PDE4B: variants seen among roughly 807,000 people sequenced by gnomAD.
The protein encoded by PDE4B is phosphodiesterase 4B.
In PDE4B, 20 loss-of-function variants were observed where a neutral mutation model predicts 82.2. That is an observed-to-expected ratio of 0.24 (90% CI 0.17 to 0.35). The LOEUF (loss-of-function observed/expected upper bound fraction) is 0.35, where lower values mean the gene tolerates loss of function less well. Among genes scored for constraint, PDE4B ranks in the 10% least tolerant of loss-of-function variants. The pLI, the probability that PDE4B is intolerant of heterozygous loss-of-function variation, is 1.00. For synonymous variants in PDE4B, 320 were observed against 318.9 expected, an observed-to-expected ratio of 1.00 and a Z score of -0.04; for missense variants, 655 against 907.2, an observed-to-expected ratio of 0.72 and a Z score of 3.57.
intron 1 of PDE4B, among the ~76,000 whole-genome samples, chr1:65,802,607 G>A (rs758777012): frequency 6.6e-6 from 1 of 152,092 alleles, no homozygotes; most frequent in African/African-American, 2.4e-5. Context: ...ATGAAAAAAG[G>A]GAAAATAGAT....
At position 66,248,609 on chromosome 1, in the gene PDE4B, A is replaced by G. The variant is rs959907375; in HGVS notation, c.476+955A>G. 2.0e-5 allele frequency among the ~76,000 whole-genome samples: 3 copies of G among 152,204 alleles called. No homozygotes were observed. In the East Asian group the frequency reaches 5.8e-4, roughly 29 times the overall value. On this transcript the variant is annotated intron_variant, in intron 4 of 16. Transcript: ENST00000341517. ...TTGTGTGGGCCCAAATTCATTTTTC[A>G]GTCATTTGGCAAAATTTACTGATTC...
intron 3 of PDE4B, among the ~76,000 whole-genome samples, chr1:66,223,665 C>A (rs1651185853): frequency 6.6e-6 from 1 of 152,124 alleles, no homozygotes; most frequent in Non-Finnish European, 1.5e-5. Context: ...GCTACACTTG[C>A]AGTGTTCTTT....
chr1:66,247,779 C>A, intron 4 of PDE4B, 125 bp downstream of exon 4: 3 of 682,666 alleles, frequency 4.4e-6, no homozygotes, highest in African/African-American at 1.8e-5. Context: ...TGAATATGAG[C>A]AGGGGTGACG....
At chr1:66,020,870 A>G (rs1394610874) in intron 3 of PDE4B, among the ~76,000 whole-genome samples, 1 of 152,218 alleles carries the variant, frequency 6.6e-6, no homozygotes, top group East Asian at 1.9e-4. Context: ...TTCTAGTTCT[A>G]GATCCTTGAG....
At chr1:66,153,217 C>T (rs1437145038) in intron 3 of PDE4B, among the ~76,000 whole-genome samples, 1 of 152,154 alleles carries the variant, frequency 6.6e-6, no homozygotes, top group African/African-American at 2.4e-5. Context: ...GCTGTTTTCT[C>T]CATCCCTACT....
chr1:65,986,384 A>C (rs1650955848), intron 3 of PDE4B, among the ~76,000 whole-genome samples: 2 of 152,228 alleles, frequency 1.3e-5, no homozygotes, highest in Non-Finnish European at 2.9e-5. Flanking sequence ...GAAAAAATTT[A>C]CTGAAGAGTT....
intron 3 of PDE4B, among the ~76,000 whole-genome samples, chr1:66,023,570 A>G (rs1653264791): frequency 6.6e-6 from 1 of 152,190 alleles, no homozygotes; most frequent in South Asian, 2.1e-4. Context: ...GCCCTATAGT[A>G]ATGAAAGCAT....
At chr1:65,931,184 C>G (rs897484323) in intron 3 of PDE4B, among the ~76,000 whole-genome samples, 12 of 152,212 alleles carry the variant, frequency 7.9e-5, no homozygotes, top group African/African-American at 2.9e-4. Flanking sequence ...CTCCTCTTTT[C>G]CTTCCACCAT....
At chr1:65,927,833 G>A (rs1647593784) in intron 3 of PDE4B, among the ~76,000 whole-genome samples, 1 of 152,168 alleles carries the variant, frequency 6.6e-6, no homozygotes, top group African/African-American at 2.4e-5. Context: ...GGGAGCCAAT[G>A]TGGGGGTTCT....
At chr1:66,183,156 CT>C (rs1306979655) in intron 3 of PDE4B, among the ~76,000 whole-genome samples, 2 of 152,086 alleles carry the variant, frequency 1.3e-5, no homozygotes, top group African/African-American at 4.8e-5. Flanking sequence ...CACAGGCAGC[CT>C]TTTGTGCTGA....
intron 1 of PDE4B, among the ~76,000 whole-genome samples, chr1:65,850,461 T>C (rs1571014367): frequency 6.6e-6 from 1 of 152,090 alleles, no homozygotes; most frequent in East Asian, 1.9e-4. Context: ...ACAATGAAGT[T>C]ATTGTAGTGA....
Position 66,318,692 on chromosome 1 carries a change from C to T in PDE4B, c.635-13816C>T, listed in dbSNP as rs1458674533. 2.0e-5 allele frequency among the ~76,000 whole-genome samples: 3 copies of T among 152,186 alleles called. No individual in the cohort carries two copies. In the East Asian group the frequency reaches 5.8e-4, roughly 29 times the overall value. On this transcript the variant is annotated intron_variant, in intron 7 of 16. Coordinates refer to ENST00000341517, the MANE Select transcript of PDE4B (RefSeq NM_002600.4). ...TTTCTAGTAAACACATAAAAAGAAA[C>T]AGGTGTAATTAATTTTATTAACATA...
intron 3 of PDE4B, among the ~76,000 whole-genome samples, chr1:66,059,913 C>T (rs574982572): frequency 1.3e-5 from 2 of 152,272 alleles, no homozygotes; most frequent in Admixed American, 1.3e-4. Context: ...GAATTTAAAA[C>T]AATTTCTGGC....
chr1:65,932,383 G>T (rs113401798), intron 3 of PDE4B, among the ~76,000 whole-genome samples: 1 of 152,094 alleles, frequency 6.6e-6, no homozygotes, highest in Non-Finnish European at 1.5e-5. Context: ...ATTGTACCTA[G>T]CATACTCTAG....
At chr1:66,035,986 T>C (rs1352931048) in intron 3 of PDE4B, among the ~76,000 whole-genome samples, 2 of 152,202 alleles carry the variant, frequency 1.3e-5, no homozygotes, top group Non-Finnish European at 2.9e-5. Flanking sequence ...TCCCCTTTTT[T>C]CCACATCCTT....
intron 3 of PDE4B, among the ~76,000 whole-genome samples, chr1:66,120,978 A>G (rs1277403854): frequency 6.6e-6 from 1 of 152,202 alleles, no homozygotes; most frequent in Non-Finnish European, 1.5e-5. Context: ...ATGATTATGC[A>G]TGTGTCCCCA....
At chr1:66,077,688 A>G (rs1462051078) in intron 3 of PDE4B, among the ~76,000 whole-genome samples, 1 of 152,144 alleles carries the variant, frequency 6.6e-6, no homozygotes, top group Non-Finnish European at 1.5e-5. Context: ...AGTGCCAGGT[A>G]CTTCTGAGAG....
intron 3 of PDE4B, among the ~76,000 whole-genome samples, chr1:65,927,539 T>C (rs968527102): frequency 2.0e-5 from 3 of 149,208 alleles, no homozygotes; most frequent in African/African-American, 7.3e-5. Context: ...ATATTATCTT[T>C]ATCACATCTG....
chr1:66,276,632 C>G (rs1022239340), intron 7 of PDE4B, among the ~76,000 whole-genome samples: 1 of 152,198 alleles, frequency 6.6e-6, no homozygotes, highest in Admixed American at 6.5e-5. Context: ...CTCACACGTC[C>G]ATTATTCATT....
Sources: allele counts gnomAD v4.1 joint callset (sites outside exome capture counted in the v4.1 genomes callset), GRCh38; gene constraint gnomAD v4.1.1; transcripts MANE v1.5; gene names NCBI Gene and HGNC (gene_info 2026-07-23, HGNC 2026-07-21).